AK6: variants seen among roughly 807,000 people sequenced by gnomAD.
AK6 encodes the protein adenylate kinase isoenzyme 6.
Under a neutral mutation model 23.7 loss-of-function variants are expected in AK6, and 24 were observed. The ratio of observed to expected loss-of-function variants is 1.01; its 90% CI spans 0.73 to 1.43. AK6 has a LOEUF of 1.43. Ranked by LOEUF, AK6 falls within the 40% of genes most tolerant of loss-of-function variation. The pLI is 0.00. For synonymous variants in AK6, 73 were observed against 69.8 expected, an observed-to-expected ratio of 1.05 and a Z score of -0.23; for missense variants, 191 against 199.1, an observed-to-expected ratio of 0.96 and a Z score of 0.24.
In AK6 at chr5:69,366,768, T is replaced by A. The variant is rs935705963; in HGVS notation, c.29-173A>T. The A allele has an allele frequency of 1.9e-5, 11 of 594,534 alleles. No homozygotes were observed. The Admixed American group carries it at 2.1e-4, about 11-fold the overall frequency. The allele number at this position is 594,534 out of a possible 1,614,324, so 36.8% of individuals were successfully genotyped here. On this transcript the variant is annotated intron_variant, in intron 1 of 4. Transcript: ENST00000380822. ...CTAATTAGCAATCATATGTAAAATT[T>A]TTTTTTTGAGACAGAGTTTCACTCT...
chr5:69,366,854 G>C, intron 1 of AK6: 2 of 406,126 alleles, frequency 4.9e-6, no homozygotes, highest in Non-Finnish European at 9.1e-6. Context: ...CACCTCCCAG[G>C]TTCAAGCGAT....
intron 1 of AK6, among the ~76,000 whole-genome samples, chr5:69,367,570 T>G (rs1762504927): frequency 6.6e-6 from 1 of 152,084 alleles, no homozygotes; most frequent in South Asian, 2.1e-4. Flanking sequence ...CTTTTTCTTT[T>G]TTTAAAGACA....
At position 69,351,542 on chromosome 5, in the gene AK6, A is replaced by G. The variant is rs1761949277; in HGVS notation, c.*519T>C. 6.6e-6 allele frequency: 1 copy of G among 152,396 alleles called. No individual in the cohort carries two copies. The highest frequency in any genetic ancestry group is 2.4e-5 in the African/African-American group (1 of 41,460). The allele number at this position is 152,396 out of a possible 1,614,324, so 9.4% of individuals were successfully genotyped here. ...CACTGTGCAGGCATAAAACCTCTAA[A>G]AAGACATATAGGAAACCAGTAACAT... On this transcript the variant is annotated 3_prime_UTR_variant, in exon 5 of 5. Transcript: ENST00000380822.
At chr5:69,354,928 TC>T (rs1414154110) in intron 4 of AK6, among the ~76,000 whole-genome samples, 1 of 152,122 alleles carries the variant, frequency 6.6e-6, no homozygotes, top group Admixed American at 6.6e-5. Context: ...CAGGTTCACG[TC>T]GTTCTCCTGC....
At chr5:69,360,626 G>T (rs571361526) in intron 2 of AK6, among the ~76,000 whole-genome samples, 1 of 152,276 alleles carries the variant, frequency 6.6e-6, no homozygotes, top group African/African-American at 2.4e-5. Flanking sequence ...AAATCATGGG[G>T]GAAACAGGTG....
intron 4 of AK6, among the ~76,000 whole-genome samples, chr5:69,354,342 G>A (rs374082288): frequency 1.0e-3 from 155 of 152,118 alleles, no homozygotes; most frequent in African/African-American, 3.6e-3. Flanking sequence ...TTTAGGTTTA[G>A]CCCCAATTTA....
In AK6 at chr5:69,369,491, G is replaced by A. The variant is rs933973899; in HGVS notation, c.-1C>T. On this transcript the variant is annotated 5_prime_UTR_variant, in exon 1 of 5. Coordinates refer to ENST00000380822, the MANE Select transcript of AK6 (RefSeq NM_016283.5). ...TGAGCAGGATGTTCGGAAGCAACAT[G>A]GTCCCCGCCGCGACGGCTTCGGGCG... 2 of 1,611,410 alleles carry A rather than the reference G, an allele frequency of 1.2e-6. No homozygotes were observed. The highest frequency in any genetic ancestry group is 1.3e-5 in the African/African-American group (1 of 74,792).
intron 1 of AK6, 52 bp downstream of exon 1, chr5:69,369,386 CCTGGGCGCCCGATGCCCAGAGCACT>C: frequency 6.5e-7 from 1 of 1,540,446 alleles, no homozygotes; most frequent in South Asian, 1.2e-5. Context: ...GGGGCCCCCA[CCTGGGCGCCCGATGCCCAGAGCACT>C]CTGCGCCCCC....
chr5:69,365,824 G>A, intron 2 of AK6: 2 of 1,164,058 alleles, frequency 1.7e-6, no homozygotes, highest in Non-Finnish European at 2.3e-6. Context: ...GCAACTGTCA[G>A]GAACTTAAAA....
intron 2 of AK6, among the ~76,000 whole-genome samples, chr5:69,363,170 A>G (rs527422526): frequency 8.0e-5 from 12 of 150,528 alleles, no homozygotes; most frequent in South Asian, 2.1e-4. Context: ...CAAGGATGCA[A>G]TGAGCTATGA....
intron 2 of AK6, among the ~76,000 whole-genome samples, chr5:69,364,501 C>T (rs1442854461): frequency 6.6e-6 from 1 of 152,186 alleles, no homozygotes; most frequent in Admixed American, 6.5e-5. Context: ...TCCTGACCAA[C>T]TGGTCTCTCC....
intron 2 of AK6, chr5:69,365,211 A>G (rs1437174469): frequency 2.5e-6 from 4 of 1,614,092 alleles, no homozygotes; most frequent in African/African-American, 2.7e-5. Context: ...GGGAGTCCCT[A>G]CTTTAGTTGA....
At chr5:69,361,143 G>A (rs965129476) in intron 2 of AK6, among the ~76,000 whole-genome samples, 6 of 152,138 alleles carry the variant, frequency 3.9e-5, no homozygotes, top group Non-Finnish European at 5.9e-5. Flanking sequence ...CACTCTTACA[G>A]TCATACCACA....
chr5:69,365,370 G>A (rs1164642470), intron 2 of AK6: 3 of 1,614,212 alleles, frequency 1.9e-6, no homozygotes, highest in Non-Finnish European at 2.5e-6. Flanking sequence ...GTTTGGAGCT[G>A]TTAAGCAGTA....
chr5:69,353,763 A>G (rs1762012175), intron 4 of AK6, among the ~76,000 whole-genome samples: 1 of 151,798 alleles, frequency 6.6e-6, no homozygotes, highest in Non-Finnish European at 1.5e-5. Context: ...AATAAAGTGG[A>G]TATTTTTGTT....
chr5:69,369,429 C>T, intron 1 of AK6, 34 bp downstream of exon 1: 1 of 1,607,364 alleles, frequency 6.2e-7, no homozygotes, highest in African/African-American at 1.3e-5. Flanking sequence ...CCCAGCCTGC[C>T]CCAGCCCAGT....
At chr5:69,360,349 GGAGA>G (rs1328802456) in intron 2 of AK6, among the ~76,000 whole-genome samples, 1 of 152,194 alleles carries the variant, frequency 6.6e-6, no homozygotes, top group East Asian at 1.9e-4. Flanking sequence ...GGATCTGTGT[GGAGA>G]GAGTGAATGT....
At chr5:69,369,424 C>A (rs1245333945) in intron 1 of AK6, 39 bp downstream of exon 1, 2 of 1,603,958 alleles carry the variant, frequency 1.2e-6, no homozygotes, top group African/African-American at 1.3e-5. Context: ...GCGCCCCCAG[C>A]CTGCCCCAGC....
chr5:69,364,967 A>ATCATCATCG, intron 2 of AK6: 1 of 1,612,616 alleles, frequency 6.2e-7, no homozygotes, highest in Non-Finnish European at 8.5e-7. Flanking sequence ...AGTCATCATC[A>ATCATCATCG]TCATCATCGT....
Sources: allele counts gnomAD v4.1 joint callset (sites outside exome capture counted in the v4.1 genomes callset), GRCh38; gene constraint gnomAD v4.1.1; transcripts MANE v1.5; gene names NCBI Gene and HGNC (gene_info 2026-07-23, HGNC 2026-07-21).